Variants in PTPRD observed in about 807,000 individuals in gnomAD.
PTPRD encodes the protein protein tyrosine phosphatase receptor type D.
A neutral mutation model predicts 214.5 loss-of-function variants in PTPRD; 34 were observed. The observed-to-expected ratio is 0.16, with a 90% CI of 0.12 to 0.21. The LOEUF is 0.21. Ranked by LOEUF, PTPRD falls within the 10% of genes least tolerant of loss-of-function variation. The pLI is 1.00. For missense variants in PTPRD, 2,545 were observed against 2,398.7 expected (o/e 1.06, Z -1.27); for synonymous variants, 1,128 against 845.7 (o/e 1.33, Z -5.79).
chr9:10,517,907 A>G (rs2050679427), intron 2 of PTPRD, among the ~76,000 whole-genome samples: 2 of 152,188 alleles, frequency 1.3e-5, no homozygotes, highest in Non-Finnish European at 2.9e-5. Context: ...ACTTTTCTAT[A>G]TGCTGAAAGA....
intron 3 of PTPRD, among the ~76,000 whole-genome samples, chr9:10,309,466 C>T (rs1007266544): frequency 3.9e-5 from 6 of 151,952 alleles, no homozygotes; most frequent in Non-Finnish European, 8.8e-5. Flanking sequence ...GATTCTCCTG[C>T]CTCAGCCTCC....
intron 9 of PTPRD, among the ~76,000 whole-genome samples, chr9:9,296,932 G>C (rs546726107): frequency 6.6e-6 from 1 of 151,862 alleles, no homozygotes; most frequent in South Asian, 2.1e-4. Context: ...TCCATCTAAA[G>C]CAATTAGTGT....
intron 8 of PTPRD, among the ~76,000 whole-genome samples, chr9:9,512,805 G>C (rs761303797): frequency 4.6e-5 from 7 of 150,612 alleles, no homozygotes; most frequent in African/African-American, 7.3e-5. Flanking sequence ...TTAAACTTGG[G>C]TTTCTGGGCT....
At chr9:10,273,718 T>C (rs1011760960) in intron 3 of PTPRD, among the ~76,000 whole-genome samples, 5 of 152,114 alleles carry the variant, frequency 3.3e-5, no homozygotes, top group Non-Finnish European at 5.9e-5. Context: ...AAAATACTTC[T>C]GATTTCTGGT....
chr9:8,995,124 T>C lies in PTPRD; in HGVS notation c.-104+23573A>G, dbSNP rs563666820. On this transcript the variant is annotated intron_variant, in intron 11 of 45. Transcript: ENST00000381196. ...TGAAAATTTATAAATTTATTAGATATATAACTGGCATTTTTTTAAAAGGAG... is the reference window on the plus strand; with the variant it reads ...TGAAAATTTATAAATTTATTAGATACATAACTGGCATTTTTTTAAAAGGAG... Among the ~76,000 whole-genome samples, 102 of 152,120 alleles carry C rather than the reference T, an allele frequency of 6.7e-4. 1 individual carries two copies. The highest frequency in any genetic ancestry group is 4.6e-3 in the South Asian group (22 of 4,828).
intron 10 of PTPRD, among the ~76,000 whole-genome samples, chr9:9,029,514 A>T (rs1320677175): frequency 6.6e-6 from 1 of 151,912 alleles, no homozygotes; most frequent in Non-Finnish European, 1.5e-5. Flanking sequence ...AATTATTTTA[A>T]ATTGTTCCTA....
intron 3 of PTPRD, among the ~76,000 whole-genome samples, chr9:10,306,847 T>C (rs114502422): frequency 0.01 from 1,584 of 152,252 alleles, 25 homozygotes; most frequent in African/African-American, 0.034. Flanking sequence ...ATCCTAATTA[T>C]AAATCTGCTA....
At chr9:9,399,370 C>T (rs1364359841) in intron 8 of PTPRD, among the ~76,000 whole-genome samples, 2 of 151,968 alleles carry the variant, frequency 1.3e-5, no homozygotes, top group African/African-American at 4.8e-5. Context: ...CTCTGGTTCT[C>T]ATCATAGGAG....
intron 5 of PTPRD, among the ~76,000 whole-genome samples, chr9:9,799,269 AT>A (rs2099023351): frequency 6.6e-6 from 1 of 152,148 alleles, no homozygotes; most frequent in Non-Finnish European, 1.5e-5. Context: ...AAACTTAAAA[AT>A]TAAAGATCTT....
chr9:10,104,079 C>A (rs555131492), intron 3 of PTPRD, among the ~76,000 whole-genome samples: 2 of 151,792 alleles, frequency 1.3e-5, no homozygotes, highest in African/African-American at 2.4e-5. Flanking sequence ...AGGACAAATA[C>A]TGTTCGATTC....
At chr9:8,448,057 G>C (rs905388327) in intron 34 of PTPRD, among the ~76,000 whole-genome samples, 1 of 152,140 alleles carries the variant, frequency 6.6e-6, no homozygotes, top group Non-Finnish European at 1.5e-5. Context: ...AGGAGTGGTG[G>C]CTAATGCCTG....
intron 7 of PTPRD, among the ~76,000 whole-genome samples, chr9:9,596,616 A>G (rs551764340): frequency 1.3e-5 from 2 of 152,166 alleles, no homozygotes; most frequent in African/African-American, 4.8e-5. Context: ...TTCAAATGAT[A>G]CAGTGACAAA....
intron 11 of PTPRD, among the ~76,000 whole-genome samples, chr9:8,932,949 C>G (rs2098963384): frequency 6.6e-6 from 1 of 152,110 alleles, no homozygotes; most frequent in African/African-American, 2.4e-5. Flanking sequence ...TTGGTGTCTG[C>G]CTAAATGGCT....
intron 3 of PTPRD, among the ~76,000 whole-genome samples, chr9:10,335,501 A>G (rs1426354883): frequency 6.6e-6 from 1 of 151,820 alleles, no homozygotes; most frequent in African/African-American, 2.4e-5. Context: ...CTCTTACAAG[A>G]TATCATAGAA....
intron 14 of PTPRD, among the ~76,000 whole-genome samples, chr9:8,606,511 T>C (rs962082725): frequency 6.6e-6 from 1 of 152,160 alleles, no homozygotes; most frequent in East Asian, 1.9e-4. Context: ...ATAAAAGAGA[T>C]GAAATAAGTT....
chr9:10,560,700 A>G lies in PTPRD; in HGVS notation c.-600+51698T>C, dbSNP rs188890460. ...ACATCCAATCCCCAGAATACAGTGC[A>G]TAAAGTGCTGTACCAGTCGCAGTAA... On this transcript the variant is annotated intron_variant, in intron 2 of 45. Coordinates refer to ENST00000381196, the MANE Select transcript of PTPRD (RefSeq NM_002839.4). 1.2e-4 allele frequency among the ~76,000 whole-genome samples: 18 copies of G among 152,332 alleles called. No individual in the cohort carries two copies. In the East Asian group the frequency reaches 3.1e-3, roughly 26 times the overall value.
chr9:8,969,526 T>C (rs1213838519), intron 11 of PTPRD, among the ~76,000 whole-genome samples: 4 of 152,038 alleles, frequency 2.6e-5, no homozygotes, highest in African/African-American at 9.7e-5. Flanking sequence ...AAAGCAAAGG[T>C]AACATACATC....
At chr9:10,200,327 C>T (rs1046624474) in intron 3 of PTPRD, among the ~76,000 whole-genome samples, 1 of 151,978 alleles carries the variant, frequency 6.6e-6, no homozygotes, top group African/African-American at 2.4e-5. Context: ...TTTTTTTCCA[C>T]CCAGGGCAAA....
At chr9:10,438,218 T>C (rs1391909392) in intron 2 of PTPRD, among the ~76,000 whole-genome samples, 1 of 151,508 alleles carries the variant, frequency 6.6e-6, no homozygotes, top group Non-Finnish European at 1.5e-5. Context: ...TGAGTGCCTA[T>C]ACAGATAGTC....
Sources: allele counts gnomAD v4.1 joint callset (sites outside exome capture counted in the v4.1 genomes callset), GRCh38; gene constraint gnomAD v4.1.1; transcripts MANE v1.5; gene names NCBI Gene and HGNC (gene_info 2026-07-23, HGNC 2026-07-21).